LDAH: variants seen among roughly 807,000 people sequenced by gnomAD.
LDAH encodes the protein lipid droplet-associated hydrolase.
LDAH carries 26 observed loss-of-function variants against 29.6 expected under a neutral mutation model. The observed-to-expected ratio is 0.88, with a 90% CI of 0.64 to 1.22. The LOEUF is 1.22. Among genes scored for constraint, LDAH ranks in the 50% most tolerant of loss-of-function variants. The pLI, the probability that LDAH is intolerant of heterozygous loss-of-function variation, is 0.00. For synonymous variants in LDAH, 117 were observed against 133.0 expected (o/e 0.88, Z 0.83); for missense variants, 344 against 387.3 (o/e 0.89, Z 0.94).
At chr2:20,808,480 G>A (rs565215819) in intron 1 of LDAH, among the ~76,000 whole-genome samples, 76 of 151,834 alleles carry the variant, frequency 5.0e-4, no homozygotes, top group Non-Finnish European at 1.0e-3. Context: ...TGGCTAACAC[G>A]GTGAAACCCC....
At chr2:20,797,617 G>A (rs1452418282) in intron 2 of LDAH, among the ~76,000 whole-genome samples, 2 of 152,086 alleles carry the variant, frequency 1.3e-5, no homozygotes, top group African/African-American at 4.8e-5. Flanking sequence ...ACACACCTCT[G>A]GATAAGCCCC....
At chr2:20,807,913 A>G (rs1364250458) in intron 1 of LDAH, among the ~76,000 whole-genome samples, 1 of 150,882 alleles carries the variant, frequency 6.6e-6, no homozygotes, top group Non-Finnish European at 1.5e-5. Flanking sequence ...ATTCACAAAC[A>G]TGATGACATA....
intron 5 of LDAH, among the ~76,000 whole-genome samples, chr2:20,716,458 C>T (rs373289190): frequency 1.3e-5 from 2 of 151,426 alleles, no homozygotes. Context: ...ACCATCATTC[C>T]GAGCAAACTA....
chr2:20,711,212 C>T (rs1202471254), intron 5 of LDAH, among the ~76,000 whole-genome samples: 1 of 151,862 alleles, frequency 6.6e-6, no homozygotes, highest in East Asian at 1.9e-4. Context: ...CATGGTGAAA[C>T]CCTGTCTCTA....
At chr2:20,810,997 T>C (rs565172984) in intron 1 of LDAH, among the ~76,000 whole-genome samples, 1 of 150,210 alleles carries the variant, frequency 6.7e-6, no homozygotes, top group Non-Finnish European at 1.5e-5. Flanking sequence ...GGGTCCCTGG[T>C]GCCAAAAAGG....
intron 1 of LDAH, among the ~76,000 whole-genome samples, chr2:20,801,799 A>G (rs1250438229): frequency 6.6e-6 from 1 of 152,016 alleles, no homozygotes; most frequent in African/African-American, 2.4e-5. Context: ...AGGTTCCCCT[A>G]CCTTCACCTG....
chr2:20,685,264 C>A lies in LDAH; in HGVS notation c.*1639G>T. 2.0e-6 allele frequency: 1 copy of A among 497,570 alleles called. No individual in the cohort carries two copies. Among genetic ancestry groups the A allele is most frequent in the South Asian group, 3.6e-5 (1 of 28,146 alleles). 30.8% of individuals were successfully genotyped at this position (497,570 alleles called of 1,614,324 possible). A position where few individuals can be genotyped will look rare whatever the true frequency, so the allele number is the denominator to read the frequency against. On this transcript the variant is annotated 3_prime_UTR_variant, in exon 7 of 7. Coordinates refer to ENST00000237822, the MANE Select transcript of LDAH (RefSeq NM_021925.4). Reference sequence around the variant, plus strand: ...CTTTATTCTGGTAGGTATGATTTACCCAGTATTGTTTACATGCCTTGATTT... The same window carrying A: ...CTTTATTCTGGTAGGTATGATTTACACAGTATTGTTTACATGCCTTGATTT...
intron 4 of LDAH, among the ~76,000 whole-genome samples, chr2:20,749,566 A>G (rs1318980693): frequency 6.6e-6 from 1 of 152,214 alleles, no homozygotes; most frequent in East Asian, 1.9e-4. Flanking sequence ...CCCAGCCACA[A>G]GGGATTTCTG....
At chr2:20,695,381 A>T (rs892347796) in intron 6 of LDAH, among the ~76,000 whole-genome samples, 10 of 152,200 alleles carry the variant, frequency 6.6e-5, no homozygotes, top group Admixed American at 5.9e-4. Context: ...TAGAAGCATA[A>T]CTAGGCTATA....
rs1232181473 is a variant in LDAH, at chr2:20,790,962, G to A, written c.155-564C>T. On this transcript the variant is annotated intron_variant, in intron 2 of 6. Transcript: ENST00000237822. The stretch of plus-strand genomic sequence containing the variant: ...AGATCTGTAGGGGGGAAATTACAAC[G>A]AAATGGGATTTTCATCTTGTAATCA... 2.0e-5 allele frequency among the ~76,000 whole-genome samples: 3 copies of A among 152,126 alleles called. No homozygotes were observed. The East Asian group carries it at 5.8e-4, about 29-fold the overall frequency.
intron 1 of LDAH, among the ~76,000 whole-genome samples, chr2:20,810,879 G>A (rs1672434067): frequency 6.6e-6 from 1 of 152,124 alleles, no homozygotes; most frequent in African/African-American, 2.4e-5. Context: ...TAGGTTGTAT[G>A]CTCCCTATGA....
At chr2:20,779,422 T>C (rs531987938) in intron 3 of LDAH, among the ~76,000 whole-genome samples, 156 of 152,130 alleles carry the variant, frequency 1.0e-3, no homozygotes, top group African/African-American at 3.6e-3. Flanking sequence ...AGCACACGTA[T>C]ACCTATGTAA....
At chr2:20,687,875 A>G (rs974322958) in intron 6 of LDAH, among the ~76,000 whole-genome samples, 3 of 152,258 alleles carry the variant, frequency 2.0e-5, no homozygotes, top group Admixed American at 6.5e-5. Context: ...ATTCAGAAGA[A>G]CAGATAGTGG....
intron 4 of LDAH, among the ~76,000 whole-genome samples, chr2:20,761,916 AAAT>A (rs1057039390): frequency 6.6e-6 from 1 of 152,038 alleles, no homozygotes; most frequent in African/African-American, 2.4e-5. Flanking sequence ...AATAGTGAAT[AAAT>A]ATATGTCATT....
intron 6 of LDAH, among the ~76,000 whole-genome samples, chr2:20,694,411 G>A (rs951457906): frequency 6.6e-6 from 1 of 152,224 alleles, no homozygotes; most frequent in Non-Finnish European, 1.5e-5. Flanking sequence ...TCTTATCCCT[G>A]TTGGGGACAC....
intron 5 of LDAH, among the ~76,000 whole-genome samples, chr2:20,711,808 C>G (rs1664785111): frequency 6.6e-6 from 1 of 152,258 alleles, no homozygotes. Flanking sequence ...TGAGATTGAC[C>G]TGCAAGGCAG....
At chr2:20,729,065 G>A (rs932030696) in intron 5 of LDAH, among the ~76,000 whole-genome samples, 1 of 152,180 alleles carries the variant, frequency 6.6e-6, no homozygotes, top group Non-Finnish European at 1.5e-5. Flanking sequence ...GGTTCTTCAA[G>A]CAACAATGTA....
chr2:20,808,590 G>A (rs1442707003), intron 1 of LDAH, among the ~76,000 whole-genome samples: 3 of 151,542 alleles, frequency 2.0e-5, no homozygotes, highest in Non-Finnish European at 4.4e-5. Context: ...CTTGGGAGGC[G>A]GAGCTTGCAG....
intron 5 of LDAH, among the ~76,000 whole-genome samples, chr2:20,709,977 C>T (rs1664593854): frequency 6.6e-6 from 1 of 152,126 alleles, no homozygotes; most frequent in Non-Finnish European, 1.5e-5. Context: ...ACTTACATTA[C>T]AAAATCAATT....
Sources: gnomAD v4.1 joint callset for allele counts (sites outside exome capture counted in the v4.1 genomes callset) on GRCh38, gnomAD v4.1.1 for gene constraint, MANE v1.5 for transcripts, NCBI Gene and HGNC (gene_info 2026-07-23, HGNC 2026-07-21) for gene names.